Variants in PLEKHA1 observed in about 807,000 individuals in gnomAD.
PLEKHA1 encodes the protein pleckstrin homology domain containing A1.
In PLEKHA1, 34 loss-of-function variants were observed where a neutral mutation model predicts 52.0. The ratio of observed to expected loss-of-function variants is 0.65; its 90% CI spans 0.50 to 0.87. The LOEUF (loss-of-function observed/expected upper bound fraction) is 0.87. Ranked by LOEUF, PLEKHA1 falls within the 40% of genes least tolerant of loss-of-function variation. The pLI, the probability that PLEKHA1 is intolerant of heterozygous loss-of-function variation, is 0.00. For synonymous variants in PLEKHA1, 163 were observed against 170.7 expected (o/e 0.95, Z 0.35); for missense variants, 497 against 504.2 (o/e 0.99, Z 0.14).
Position 122,393,317 on chromosome 10 carries a change from C to G in PLEKHA1, c.117C>G (p.Phe39Leu). 4 of 1,611,450 alleles carry G rather than the reference C, an allele frequency of 2.5e-6. No individual in the cohort carries two copies. Among genetic ancestry groups the G allele is most frequent in the Non-Finnish European group, 2.5e-6 (3 of 1,178,882 alleles). The stretch of plus-strand genomic sequence containing the variant: ...TACTGGATACCAGAGAAGATAGTTT[C>G]GTGTGGTACATGGATAATCCACAGG... ...YFILDTREDS[F>L]VWYMDNPQNL... The change falls in exon 2 of 12, where the codon TTC becomes TTG. Residue 39 changes from phenylalanine (F) to leucine (L), a missense_variant. By Grantham distance (22) the Phe-to-Leu change is conservative (BLOSUM62 0). Coordinates refer to ENST00000368990, the MANE Select transcript of PLEKHA1 (RefSeq NM_001001974.4). The surrounding 1 kb of genome is among the most constrained non-coding windows in gnomAD (Gnocchi z 4.5).
chr10:122,389,678 A>C (rs2096749360), intron 1 of PLEKHA1, among the ~76,000 whole-genome samples: 1 of 152,138 alleles, frequency 6.6e-6, no homozygotes, highest in Non-Finnish European at 1.5e-5. Context: ...CCACCACTCT[A>C]GCCTGGGTGA....
chr10:122,440,568 C>T, the PLEKHA1 span: 1 of 152,232 alleles, frequency 6.6e-6, no homozygotes, highest in South Asian at 2.1e-4. Context: ...TCACACAAGC[C>T]TTGGTGACCC....
chr10:122,430,699 T>G lies in PLEKHA1; in HGVS notation c.*761T>G, dbSNP rs1167433858. ...GGAGATCTGATTTTCTTATCCAAGT[T>G]TTGTAAATAGTTGTTATTTCTATAT... On this transcript the variant is annotated 3_prime_UTR_variant, in exon 12 of 12. Coordinates refer to ENST00000368990, the MANE Select transcript of PLEKHA1 (RefSeq NM_001001974.4). The G allele has an allele frequency of 1.3e-5, 2 of 152,220 alleles. No individual in the cohort carries two copies. Among genetic ancestry groups the G allele is most frequent in the Non-Finnish European group, 2.9e-5 (2 of 68,042 alleles). The allele number at this position is 152,220 out of a possible 1,614,324, so 9.4% of individuals were successfully genotyped here. A position where few individuals can be genotyped will look rare whatever the true frequency, so the allele number is the denominator to read the frequency against.
intron 1 of PLEKHA1, among the ~76,000 whole-genome samples, chr10:122,378,036 G>A (rs577936655): frequency 6.6e-6 from 1 of 152,236 alleles, no homozygotes; most frequent in East Asian, 1.9e-4. Flanking sequence ...AGAAAGTTGT[G>A]GTTTTTAGCC....
At chr10:122,415,567 T>C (rs1310565736) in intron 6 of PLEKHA1, among the ~76,000 whole-genome samples, 1 of 152,202 alleles carries the variant, frequency 6.6e-6, no homozygotes, top group African/African-American at 2.4e-5. Context: ...GTTGTACTTT[T>C]TTTGGGCAGC....
At chr10:122,383,697 T>G (rs1440914442) in intron 1 of PLEKHA1, among the ~76,000 whole-genome samples, 1 of 152,088 alleles carries the variant, frequency 6.6e-6, no homozygotes, top group African/African-American at 2.4e-5. Flanking sequence ...ACAATCACAA[T>G]GCCGTTATCA....
Position 122,430,668 on chromosome 10 carries a change from T to A in PLEKHA1, c.*730T>A, listed in dbSNP as rs567805851. The stretch of plus-strand genomic sequence containing the variant: ...TCCGCAAAAATTATTTGGTAGGAAA[T>A]TTTTGGGAGATCTGATTTTCTTATC... On this transcript the variant is annotated 3_prime_UTR_variant, in exon 12 of 12. Transcript: ENST00000368990. 6 of 152,352 alleles carry A rather than the reference T, an allele frequency of 3.9e-5. No homozygotes were observed. The East Asian group carries it at 1.2e-3, about 29-fold the overall frequency. The allele number at this position is 152,352 out of a possible 1,614,324, so 9.4% of individuals were successfully genotyped here. A position where few individuals can be genotyped will look rare whatever the true frequency, so the allele number is the denominator to read the frequency against.
At chr10:122,402,811 A>T in intron 4 of PLEKHA1, among the ~76,000 whole-genome samples, 1 of 152,198 alleles carries the variant, frequency 6.6e-6, no homozygotes, top group East Asian at 1.9e-4. Context: ...CAGAGAACGA[A>T]AGGAATGAGG....
chr10:122,409,092 C>T (rs559601362), intron 5 of PLEKHA1, among the ~76,000 whole-genome samples: 1 of 152,088 alleles, frequency 6.6e-6, no homozygotes, highest in Admixed American at 6.6e-5. Flanking sequence ...AATCCATTAT[C>T]CTCTAACGCT....
chr10:122,376,872 A>G (rs2096545796), intron 1 of PLEKHA1, among the ~76,000 whole-genome samples: 1 of 152,218 alleles, frequency 6.6e-6, no homozygotes, highest in Non-Finnish European at 1.5e-5. Flanking sequence ...TCGTTTGCTA[A>G]CATATAGGAT....
intron 2 of PLEKHA1, among the ~76,000 whole-genome samples, chr10:122,395,429 C>A (rs1192710329): frequency 6.6e-6 from 1 of 151,978 alleles, no homozygotes; most frequent in Non-Finnish European, 1.5e-5. Context: ...CAAGACATAC[C>A]TACTCTTGAA....
chr10:122,390,576 A>G (rs2096762429), intron 1 of PLEKHA1, among the ~76,000 whole-genome samples: 1 of 152,060 alleles, frequency 6.6e-6, no homozygotes, highest in African/African-American at 2.4e-5. Flanking sequence ...CCAGGAGCTC[A>G]AGACTAGCCT....
intron 11 of PLEKHA1, chr10:122,428,477 C>T (rs1386222383): frequency 3.1e-5 from 40 of 1,294,656 alleles, no homozygotes; most frequent in South Asian, 5.3e-5. Flanking sequence ...TCAATACTAA[C>T]GCAAACTGTT....
At position 122,393,432 on chromosome 10, in the gene PLEKHA1, T is replaced by G. The variant is rs545330369; in HGVS notation, c.141+91T>G. On this transcript the variant is annotated intron_variant, in intron 2 of 11. Coordinates refer to ENST00000368990, the MANE Select transcript of PLEKHA1 (RefSeq NM_001001974.4). This position sits in a 1 kb window ranked among gnomAD's most constrained non-coding sequence, Gnocchi z 4.5. ...TATACAGGCTTTAGATTTGTCTTCT[T>G]AAGCAGTATATTTTTAGATTTATTT... is the stretch of plus-strand genomic sequence containing the variant. 3.8e-5 allele frequency: 49 copies of G among 1,273,752 alleles called. No individual in the cohort carries two copies. The African/African-American group carries it at 7.0e-4, about 18-fold the overall frequency. 78.9% of individuals were successfully genotyped at this position (1,273,752 alleles called of 1,614,324 possible).
chr10:122,429,984 C>G lies in PLEKHA1; in HGVS notation c.*46C>G. On this transcript the variant is annotated 3_prime_UTR_variant, in exon 12 of 12. Coordinates refer to ENST00000368990, the MANE Select transcript of PLEKHA1 (RefSeq NM_001001974.4). ...GCCTGCCTCTGCCGTCCTCAGTTTCCTTTCATGAGGCTTCTAGCCAAAGAT... is the reference window on the plus strand; with the variant it reads ...GCCTGCCTCTGCCGTCCTCAGTTTCGTTTCATGAGGCTTCTAGCCAAAGAT... The G allele has an allele frequency of 6.4e-7, 1 of 1,550,820 alleles. No homozygotes were observed. The highest frequency in any genetic ancestry group is 8.7e-7 in the Non-Finnish European group (1 of 1,148,996).
Position 122,428,405 on chromosome 10 carries a change from C to G in PLEKHA1, c.901-1219C>G, listed in dbSNP as rs544465860. 4.0e-6 allele frequency: 6 copies of G among 1,488,294 alleles called. No individual in the cohort carries two copies. In the South Asian group the frequency reaches 4.1e-5, roughly 10 times the overall value. 92.2% of individuals were successfully genotyped at this position (1,488,294 alleles called of 1,614,324 possible). A position where few individuals can be genotyped will look rare whatever the true frequency, so the allele number is the denominator to read the frequency against. On this transcript the variant is annotated intron_variant, in intron 11 of 11. Coordinates refer to ENST00000368990, the MANE Select transcript of PLEKHA1 (RefSeq NM_001001974.4). Reference sequence around the variant, plus strand: ...GTGGAGGGCCCAGACTTACTACTTACAACTGATCATAGAAAGTTGAGTTAA... The same window carrying G: ...GTGGAGGGCCCAGACTTACTACTTAGAACTGATCATAGAAAGTTGAGTTAA...
At chr10:122,400,306 G>A (rs377716687) in intron 3 of PLEKHA1, 37 bp from the exon 4 acceptor site, 2 of 1,569,042 alleles carry the variant, frequency 1.3e-6, no homozygotes, top group African/African-American at 2.8e-5. Flanking sequence ...AGGATTATAT[G>A]GAGAAGTGAG....
At chr10:122,394,358 G>A (rs1276989880) in intron 2 of PLEKHA1, among the ~76,000 whole-genome samples, 2 of 152,054 alleles carry the variant, frequency 1.3e-5, no homozygotes, top group African/African-American at 2.4e-5. Flanking sequence ...TTACAGGCAT[G>A]AGCCACCGCG....
chr10:122,407,501 G>A (rs936180372), intron 5 of PLEKHA1, among the ~76,000 whole-genome samples: 2 of 152,116 alleles, frequency 1.3e-5, no homozygotes, highest in African/African-American at 2.4e-5. Flanking sequence ...TCTGGAGCCC[G>A]AACTCTGAAG....
Sources: gnomAD v4.1 joint callset for allele counts (sites outside exome capture counted in the v4.1 genomes callset) on GRCh38, gnomAD v4.1.1 for gene constraint, Gnocchi (gnomAD v3.1) non-coding constraint, MANE v1.5 for transcripts, NCBI Gene and HGNC (gene_info 2026-07-23, HGNC 2026-07-21) for gene names.